Variants in WNT5B observed in about 807,000 individuals in gnomAD.
WNT5B encodes the protein Wnt family member 5B, also known as protein Wnt-5b.
Under a neutral mutation model 36.5 loss-of-function variants are expected in WNT5B, and 18 were observed. That is an observed-to-expected ratio of 0.49 (90% CI 0.34 to 0.73). WNT5B has a LOEUF of 0.73. Ranked by LOEUF, WNT5B falls within the 30% of genes least tolerant of loss-of-function variation. WNT5B has a pLI of 0.01. For synonymous variants in WNT5B, 213 were observed against 212.3 expected, an observed-to-expected ratio of 1.00 and a Z score of -0.03; for missense variants, 424 against 508.4, an observed-to-expected ratio of 0.83 and a Z score of 1.60.
At chr12:1,637,459 C>T (rs909299767) in intron 3 of WNT5B, among the ~76,000 whole-genome samples, 3 of 151,910 alleles carry the variant, frequency 2.0e-5, no homozygotes, top group Non-Finnish European at 2.9e-5. Context: ...TGCTGCGGGC[C>T]GGGCGCGGTG....
upstream of WNT5B, among the ~76,000 whole-genome samples, chr12:1,626,727 GC>G (rs2154439406): frequency 6.6e-6 from 1 of 152,014 alleles, no homozygotes; most frequent in East Asian, 1.9e-4. Context: ...ACCACACTGG[GC>G]TAATTTTTTT....
chr12:1,635,610 C>A (rs4765836), intron 3 of WNT5B, among the ~76,000 whole-genome samples: 114,995 of 152,186 alleles, frequency 0.76, 43,826 homozygotes, highest in East Asian at 0.98. Flanking sequence ...CTTCCGGTGG[C>A]TATGGAGGGT....
chr12:1,645,301 C>G (rs2094583300), intron 4 of WNT5B, among the ~76,000 whole-genome samples: 1 of 152,192 alleles, frequency 6.6e-6, no homozygotes, highest in Admixed American at 6.5e-5. Context: ...TGCAGTGGCA[C>G]AAGCATAGCT....
chr12:1,622,531 G>C (rs1055413670), intron 1 of WNT5B, among the ~76,000 whole-genome samples: 1 of 152,168 alleles, frequency 6.6e-6, no homozygotes, highest in East Asian at 1.9e-4. Flanking sequence ...CTCAGATAAG[G>C]GGAGGTACAG....
intron 1 of WNT5B, among the ~76,000 whole-genome samples, chr12:1,622,258 C>G (rs1482012803): frequency 6.6e-6 from 1 of 152,008 alleles, no homozygotes; most frequent in Non-Finnish European, 1.5e-5. Context: ...CTACAGGCGC[C>G]CGCCACCACG....
rs753115664 is a variant in WNT5B at position 1,646,490 on chromosome 12, A to T, written c.*238A>T. The stretch of plus-strand genomic sequence containing the variant: ...CAGGGCTTTTTCTCTCCCTCTGGCG[A>T]GGACTCTCAGGATGTAGGGACTTGG... On this transcript the variant is annotated 3_prime_UTR_variant, in exon 5 of 5. Coordinates refer to ENST00000397196, the MANE Select transcript of WNT5B (RefSeq NM_032642.3). 6 of 253,184 alleles carry T rather than the reference A, an allele frequency of 2.4e-5. No individual in the cohort carries two copies. Among genetic ancestry groups the T allele is most frequent in the Non-Finnish European group, 3.7e-5 (5 of 135,388 alleles). The allele number at this position is 253,184 out of a possible 1,614,324, so 15.7% of individuals were successfully genotyped here.
At position 1,633,234 on chromosome 12, in the gene WNT5B, AG is replaced by A. The variant is rs1008617068; in HGVS notation, c.328+330del. Among the ~76,000 whole-genome samples the A allele has an allele frequency of 2.6e-5, 4 of 152,042 alleles. No individual in the cohort carries two copies. The highest frequency in any genetic ancestry group is 1.3e-4 in the Admixed American group (2 of 15,262). On this transcript the variant is annotated intron_variant, in intron 3 of 4. Transcript: ENST00000397196. This position sits in a 1 kb window ranked among gnomAD's most constrained non-coding sequence, Gnocchi z 4.8. ...CTGAGTTGACTTAGAGTGGATTAGGAGAGCCGCCCACCGCCACTGCCTTTGT... is the reference window on the plus strand; with the variant it reads ...CTGAGTTGACTTAGAGTGGATTAGGAAGCCGCCCACCGCCACTGCCTTTGT...
chr12:1,639,774 C>G lies in WNT5B; in HGVS notation c.419C>G (p.Thr140Ser). The change falls in exon 4 of 5, where the codon ACC becomes AGC. Residue 140 changes from threonine to serine, a missense_variant. Transcript: ENST00000397196. ...SRACREGELS[T>S]CGCSRTARPK... ...GCCTGCCGCGAGGGCGAGCTCTCCA[C>G]CTGCGGCTGCAGCCGGACGGCGCGG... The G allele has an allele frequency of 6.2e-7, 1 of 1,609,956 alleles. No individual in the cohort carries two copies. The highest frequency in any genetic ancestry group is 1.1e-5 in the South Asian group (1 of 90,790).
upstream of WNT5B, among the ~76,000 whole-genome samples, chr12:1,624,664 A>G (rs937296668): frequency 3.9e-5 from 6 of 152,176 alleles, no homozygotes; most frequent in African/African-American, 1.4e-4. Flanking sequence ...AATACTAGCT[A>G]TTGTCACTGG....
rs1234283304 is a variant in WNT5B at position 1,633,372 on chromosome 12, G to A, written c.328+467G>A. 6.6e-6 allele frequency among the ~76,000 whole-genome samples: 1 copy of A among 152,174 alleles called. No homozygotes were observed. Among genetic ancestry groups the A allele is most frequent in the Non-Finnish European group, 1.5e-5 (1 of 68,044 alleles). On this transcript the variant is annotated intron_variant, in intron 3 of 4. Coordinates refer to ENST00000397196, the MANE Select transcript of WNT5B (RefSeq NM_032642.3). This position sits in a 1 kb window ranked among gnomAD's most constrained non-coding sequence, Gnocchi z 4.8. ...CTTTGACAGAGAGATAGAAATGTCG[G>A]CCAAAGTGTTGATAGCTGTCACTAA... is the stretch of plus-strand genomic sequence containing the variant.
chr12:1,627,148 G>C (rs28384800), upstream of WNT5B, among the ~76,000 whole-genome samples: 4,351 of 152,240 alleles, frequency 0.029, 120 homozygotes, highest in East Asian at 0.056. This position sits in a 1 kb window ranked among gnomAD's most constrained non-coding sequence, Gnocchi z 5.0. Context: ...ATGGCGATGG[G>C]GGCCTTCTCT....
At chr12:1,634,945 C>CA (rs1347170713) in intron 3 of WNT5B, among the ~76,000 whole-genome samples, 2 of 152,036 alleles carry the variant, frequency 1.3e-5, no homozygotes, top group Non-Finnish European at 2.9e-5. Context: ...CTCACGGCTG[C>CA]TTTTTTTTAG....
chr12:1,641,385 C>CAAA (rs1371392049), intron 4 of WNT5B, among the ~76,000 whole-genome samples: 29 of 100,984 alleles, frequency 2.9e-4, no homozygotes, highest in African/African-American at 6.8e-4. Flanking sequence ...GACTCCATCT[C>CAAA]AAAAAAAAAA....
At chr12:1,631,032 T>C (rs980306607) in intron 1 of WNT5B, 9 of 214,470 alleles carry the variant, frequency 4.2e-5, no homozygotes, top group African/African-American at 1.8e-4. Context: ...AAATTACTTG[T>C]TTTCATTTCT....
At chr12:1,639,997 C>T in intron 4 of WNT5B, 21 bp downstream of exon 4, 1 of 1,596,994 alleles carries the variant, frequency 6.3e-7, no homozygotes, top group East Asian at 2.3e-5. Context: ...CCTCCCCGGC[C>T]TCCCCAGCAC....
In WNT5B at chr12:1,632,627, T is replaced by C; in HGVS notation, c.81-31T>C. On this transcript the variant is annotated intron_variant, in intron 2 of 4. Transcript: ENST00000397196. The surrounding 1 kb of genome is among the most constrained non-coding windows in gnomAD (Gnocchi z 5.8). Reference sequence around the variant, plus strand: ...ACAGGCGTATGCTCACTCCTGGGCCTTTTTTTCCCCTTTCTGGATTGCTGT... The same window carrying C: ...ACAGGCGTATGCTCACTCCTGGGCCCTTTTTTCCCCTTTCTGGATTGCTGT... 6.4e-7 allele frequency: 1 copy of C among 1,563,990 alleles called. No individual in the cohort carries two copies. The highest frequency in any genetic ancestry group is 1.2e-5 in the South Asian group (1 of 86,494).
chr12:1,626,042 A>G (rs998603268), upstream of WNT5B, among the ~76,000 whole-genome samples: 2 of 149,758 alleles, frequency 1.3e-5, no homozygotes, highest in Non-Finnish European at 3.0e-5. Flanking sequence ...GCAATAGCAC[A>G]ATCACGACTC....
At chr12:1,621,707 A>ATTTTT (rs34640616) in intron 1 of WNT5B, among the ~76,000 whole-genome samples, 1 of 141,010 alleles carries the variant, frequency 7.1e-6, no homozygotes, top group Non-Finnish European at 1.5e-5. Context: ...ATATCCAGCT[A>ATTTTT]TTTTTTTTTT....
At chr12:1,624,118 G>A (rs541927252) in intron 1 of WNT5B, among the ~76,000 whole-genome samples, 5 of 152,252 alleles carry the variant, frequency 3.3e-5, no homozygotes, top group East Asian at 1.9e-4. Flanking sequence ...TGGGTACCGC[G>A]GCTCACGCCT....
Sources: allele counts gnomAD v4.1 joint callset (sites outside exome capture counted in the v4.1 genomes callset), GRCh38; gene constraint gnomAD v4.1.1; non-coding constraint Gnocchi (gnomAD v3.1); transcripts MANE v1.5; gene names NCBI Gene and HGNC (gene_info 2026-07-23, HGNC 2026-07-21).